Variants in ZMIZ1 observed in about 807,000 individuals in gnomAD.
The protein encoded by ZMIZ1 is zinc finger MIZ domain-containing protein 1.
ZMIZ1 carries 17 observed loss-of-function variants against 113.9 expected under a neutral mutation model. The ratio of observed to expected loss-of-function variants is 0.15; its 90% CI spans 0.10 to 0.22. ZMIZ1 has a LOEUF of 0.22. ZMIZ1 is among the 10% of genes least tolerant of loss of function. The pLI, the probability that ZMIZ1 is intolerant of heterozygous loss-of-function variation, is 1.00. For synonymous variants in ZMIZ1, 607 were observed against 603.1 expected (o/e 1.01, Z -0.09); for missense variants, 1,059 against 1,477.8 (o/e 0.72, Z 4.65).
At position 79,291,170 on chromosome 10, in the gene ZMIZ1, G is replaced by C; in HGVS notation, c.752G>C (p.Gly251Ala). 1 of 1,609,922 alleles carries C rather than the reference G, an allele frequency of 6.2e-7. No homozygotes were observed. The highest frequency in any genetic ancestry group is 8.5e-7 in the Non-Finnish European group (1 of 1,177,252). The change falls in exon 10 of 25, where the codon GGG becomes GCG. Residue 251 changes from glycine (G) to alanine (A), a missense_variant. Coordinates refer to ENST00000334512, the MANE Select transcript of ZMIZ1 (RefSeq NM_020338.4). ...RPNYPGSGGF[G>A]ASYPGGPNAP... The stretch of plus-strand genomic sequence containing the variant: ...AACTACCCCGGCAGCGGGGGCTTTG[G>C]GGCCAGGTGAGCAGGGCTGACCTGT...
intron 7 of ZMIZ1, among the ~76,000 whole-genome samples, chr10:79,225,430 G>A (rs1217312829): frequency 3.3e-5 from 5 of 152,134 alleles, no homozygotes; most frequent in African/African-American, 1.2e-4. Flanking sequence ...TTCTCTGCTA[G>A]TTAAAAAGGG....
At chr10:79,190,554 T>G (rs573747620) in intron 4 of ZMIZ1, among the ~76,000 whole-genome samples, 7 of 152,308 alleles carry the variant, frequency 4.6e-5, no homozygotes, top group African/African-American at 1.7e-4. Flanking sequence ...TTTCCCCAAT[T>G]TTTTGGTTTT....
At chr10:79,287,996 C>T (rs1298397118) in intron 8 of ZMIZ1, among the ~76,000 whole-genome samples, 3 of 152,096 alleles carry the variant, frequency 2.0e-5, no homozygotes, top group East Asian at 1.9e-4. Flanking sequence ...CTTTTTTATA[C>T]GAGGAGGGCG....
chr10:79,116,958 G>T (rs1481564149), intron 1 of ZMIZ1, among the ~76,000 whole-genome samples: 2 of 152,256 alleles, frequency 1.3e-5, no homozygotes, highest in Admixed American at 6.5e-5. Flanking sequence ...CAATTCTGTG[G>T]TTTGGCTGGA....
chr10:79,160,573 C>T (rs1846072044), intron 3 of ZMIZ1, among the ~76,000 whole-genome samples: 1 of 152,260 alleles, frequency 6.6e-6, no homozygotes, highest in Non-Finnish European at 1.5e-5. Flanking sequence ...AGAAACGTGT[C>T]CAAGTCACAC....
chr10:79,231,020 T>C (rs576767475), intron 7 of ZMIZ1, among the ~76,000 whole-genome samples: 9 of 152,360 alleles, frequency 5.9e-5, no homozygotes, highest in Non-Finnish European at 1.2e-4. Flanking sequence ...GTTCCGGTCC[T>C]GTGCCTCCTC....
chr10:79,150,544 C>T (rs530665971), intron 3 of ZMIZ1, among the ~76,000 whole-genome samples: 16 of 152,196 alleles, frequency 1.1e-4, no homozygotes, highest in Non-Finnish European at 1.9e-4. Flanking sequence ...GGCTGGGGCT[C>T]TTGGTCTGGG....
At chr10:79,277,406 T>G in intron 8 of ZMIZ1, 81 bp downstream of exon 8, 5 of 1,462,734 alleles carry the variant, frequency 3.4e-6, no homozygotes, top group Non-Finnish European at 3.6e-6. Flanking sequence ...GTCCCTGGGG[T>G]GGGGGCCTCT....
chr10:79,131,476 A>G (rs1036921339), intron 2 of ZMIZ1, among the ~76,000 whole-genome samples: 4 of 152,108 alleles, frequency 2.6e-5, no homozygotes, highest in African/African-American at 9.7e-5. Flanking sequence ...GTTCTCTGTT[A>G]AATTGTGTTA....
intron 4 of ZMIZ1, among the ~76,000 whole-genome samples, chr10:79,195,639 G>T (rs111930297): frequency 1.5e-4 from 23 of 152,364 alleles, no homozygotes; most frequent in African/African-American, 5.5e-4. Context: ...CACCAGGTGC[G>T]TGTCACCTCC....
At chr10:79,248,623 G>GT (rs2132872385) in intron 7 of ZMIZ1, among the ~76,000 whole-genome samples, 1 of 152,306 alleles carries the variant, frequency 6.6e-6, no homozygotes, top group Non-Finnish European at 1.5e-5. Context: ...TTGTTTCAGG[G>GT]TTCCTGTTTT....
chr10:79,262,729 T>C (rs2131909351), intron 7 of ZMIZ1, among the ~76,000 whole-genome samples: 1 of 152,310 alleles, frequency 6.6e-6, no homozygotes, highest in South Asian at 2.1e-4. Flanking sequence ...GCTAGCATGC[T>C]AAAAGAGTGA....
Position 79,072,944 on chromosome 10 carries a change from G to A in ZMIZ1, c.-337+3674G>A, listed in dbSNP as rs550923700. Among the ~76,000 whole-genome samples the A allele has an allele frequency of 2.6e-5, 4 of 152,326 alleles. No homozygotes were observed. In the South Asian group the frequency reaches 8.3e-4, roughly 32 times the overall value. On this transcript the variant is annotated intron_variant, in intron 1 of 24. Transcript: ENST00000334512. ...CTTAAGAGTCCCTCAGGATGGGGAG[G>A]CAGCAATCCACCTGGCTGTAAGCTC...
rs924318669 is a variant in ZMIZ1, at chr10:79,208,178, C to T, written c.61-158C>T. Reference sequence around the variant, plus strand: ...GCATGCCGAGCACAGGGTGTGAAATCGAGCATGAGGAAACTTACTGATCCC... The same window carrying T: ...GCATGCCGAGCACAGGGTGTGAAATTGAGCATGAGGAAACTTACTGATCCC... On this transcript the variant is annotated intron_variant, in intron 5 of 24. Coordinates refer to ENST00000334512, the MANE Select transcript of ZMIZ1 (RefSeq NM_020338.4). Among the ~76,000 whole-genome samples, 6 of 150,038 alleles carry T rather than the reference C, an allele frequency of 4.0e-5. No individual in the cohort carries two copies. In the South Asian group the frequency reaches 1.3e-3, roughly 32 times the overall value.
At chr10:79,258,831 C>G (rs1204258515) in intron 7 of ZMIZ1, among the ~76,000 whole-genome samples, 1 of 152,158 alleles carries the variant, frequency 6.6e-6, no homozygotes, top group Non-Finnish European at 1.5e-5. Context: ...GGGTGAGTAT[C>G]TGGAGTGGGT....
rs1457477980 is a variant in ZMIZ1 at position 79,314,063 on chromosome 10, C to T, written c.*1314C>T. ...CCAGACACTGCCCTTGGCTGCCAGC[C>T]TACCCTGCCTGCACTCCTCCACCAT... On this transcript the variant is annotated 3_prime_UTR_variant, in exon 25 of 25. Coordinates refer to ENST00000334512, the MANE Select transcript of ZMIZ1 (RefSeq NM_020338.4). 2 of 456,838 alleles carry T rather than the reference C, an allele frequency of 4.4e-6. No individual in the cohort carries two copies. Among genetic ancestry groups the T allele is most frequent in the Non-Finnish European group, 4.4e-6 (1 of 227,010 alleles). The allele number at this position is 456,838 out of a possible 1,614,324, so 28.3% of individuals were successfully genotyped here. A position where few individuals can be genotyped will look rare whatever the true frequency, so the allele number is the denominator to read the frequency against.
intron 7 of ZMIZ1, 59 bp from the exon 8 acceptor site, chr10:79,277,121 GT>G: frequency 6.9e-7 from 1 of 1,449,662 alleles, no homozygotes; most frequent in Non-Finnish European, 9.1e-7. Context: ...TTGGGGGGGG[GT>G]CTTGGTGTGG....
intron 1 of ZMIZ1, among the ~76,000 whole-genome samples, chr10:79,086,660 C>T: frequency 6.6e-6 from 1 of 152,182 alleles, no homozygotes; most frequent in East Asian, 1.9e-4. Context: ...CGGCACGAGC[C>T]ATCACCCCGG....
At position 79,300,978 on chromosome 10, in the gene ZMIZ1, G is replaced by C. The variant is rs199685692; in HGVS notation, c.2019+36G>C. The C allele has an allele frequency of 5.6e-6, 9 of 1,601,176 alleles. No homozygotes were observed. In the East Asian group the frequency reaches 6.7e-5, roughly 12 times the overall value. On this transcript the variant is annotated intron_variant, in intron 17 of 24. Transcript: ENST00000334512. ...TGGGCCAGGGGCAGCGTTGGCACAG[G>C]CAGGCCCTGTTTCACGGCATGAGAG...
Sources: gnomAD v4.1 joint callset for allele counts (sites outside exome capture counted in the v4.1 genomes callset) on GRCh38, gnomAD v4.1.1 for gene constraint, MANE v1.5 for transcripts, NCBI Gene and HGNC (gene_info 2026-07-23, HGNC 2026-07-21) for gene names.